The following RPS6KA6 variants were observed in gnomAD, a reference collection of about 807,000 sequenced individuals.
RPS6KA6 encodes ribosomal protein S6 kinase A6.
Under a neutral mutation model 65.4 loss-of-function variants are expected in RPS6KA6, and 27 were observed. The ratio of observed to expected loss-of-function variants is 0.41; its 90% confidence interval spans 0.30 to 0.57. RPS6KA6 has a LOEUF of 0.57. Among genes scored for constraint, RPS6KA6 ranks in the 20% least tolerant of loss-of-function variants. The probability of loss-of-function intolerance (pLI) is 0.24; values close to 1 mark genes in which losing one functional copy is unlikely to be tolerated. For synonymous variants in RPS6KA6, 190 were observed against 184.2 expected (o/e 1.03, Z -0.26); for missense variants, 486 against 555.6 (o/e 0.87, Z 1.26).
intron 20 of RPS6KA6, among the ~76,000 whole-genome samples, chrX:84,083,034 T>C (rs878875289): frequency 8.9e-6 from 1 of 112,037 alleles, no homozygotes; most frequent in East Asian, 2.8e-4. Context: ...GACATAGGCA[T>C]GGGCAACTAC....
intron 8 of RPS6KA6, among the ~76,000 whole-genome samples, chrX:84,129,924 T>A (rs774682765): frequency 3.6e-5 from 4 of 110,900 alleles, no homozygotes; most frequent in African/African-American, 1.3e-4. Flanking sequence ...AGACTTAATA[T>A]TAGCTAGCAC....
chrX:84,187,970 A>C lies in RPS6KA6; in HGVS notation c.-71T>G. ...CGCGGCCGCGCATCCTGTCTATTGA[A>C]CTGGCCCGCCGCCGCCGCCGCCGCC... On this transcript the variant is annotated 5_prime_UTR_variant, in exon 1 of 22. Transcript: ENST00000262752. 1.2e-6 allele frequency: 1 copy of C among 860,955 alleles called. No homozygotes were observed. Among genetic ancestry groups the C allele is most frequent in the Non-Finnish European group, 1.5e-6 (1 of 647,109 alleles). The allele number at this position is 860,955 out of a possible 1,213,427, so 71.0% of individuals were successfully genotyped here. A position where few individuals can be genotyped will look rare whatever the true frequency, so the allele number is the denominator to read the frequency against.
rs2033329858 is a variant in RPS6KA6 at position 84,063,228 on chromosome X, TAC to T, written c.*1047_*1048del. 9.0e-6 allele frequency: 1 copy of T among 111,677 alleles called. No homozygotes were observed. The highest frequency in any genetic ancestry group is 1.9e-5 in the Non-Finnish European group (1 of 53,085). 9.2% of individuals were successfully genotyped at this position (111,677 alleles called of 1,213,427 possible). A position where few individuals can be genotyped will look rare whatever the true frequency, so the allele number is the denominator to read the frequency against. The stretch of plus-strand genomic sequence containing the variant: ...TAGCATTGTCTAAAGTTTACTGTAA[TAC>T]AATATACTATATCATGTGTGCTATA... On this transcript the variant is annotated 3_prime_UTR_variant, in exon 22 of 22. Transcript: ENST00000262752.
intron 20 of RPS6KA6, among the ~76,000 whole-genome samples, chrX:84,067,900 A>G (rs1218551310): frequency 1.8e-5 from 2 of 112,176 alleles, no homozygotes; most frequent in Non-Finnish European, 3.8e-5. Context: ...AGGGAAGCTC[A>G]TCAGACTAAC....
chrX:84,179,306 G>C (rs772504473), intron 1 of RPS6KA6, among the ~76,000 whole-genome samples: 6 of 111,150 alleles, frequency 5.4e-5, no homozygotes, highest in Non-Finnish European at 9.4e-5. Flanking sequence ...GAATTCTCAC[G>C]CAGCAACCTC....
At chrX:84,064,449 TA>T (rs35061036) in intron 21 of RPS6KA6, 47 bp from the exon 22 acceptor site, 162,000 of 776,622 alleles carry the variant, frequency 0.21, 912 homozygotes, top group East Asian at 0.3. Flanking sequence ...ATTCTGGAGT[TA>T]AAAAAAAAAA....
intron 8 of RPS6KA6, among the ~76,000 whole-genome samples, chrX:84,132,788 C>T (rs952565476): frequency 1.9e-5 from 2 of 107,411 alleles, no homozygotes; most frequent in Non-Finnish European, 3.9e-5. Context: ...CAGAACGAGG[C>T]CAATCAGACT....
chrX:84,117,504 TATA>T (rs1420795306), intron 9 of RPS6KA6, 50 bp from the exon 10 acceptor site: 3 of 773,175 alleles, frequency 3.9e-6, no homozygotes, highest in African/African-American at 2.1e-5. Flanking sequence ...CCTTAGAATA[TATA>T]ATAAGATTCT....
At chrX:84,174,969 AT>A (rs2035742704) in intron 1 of RPS6KA6, among the ~76,000 whole-genome samples, 1 of 112,031 alleles carries the variant, frequency 8.9e-6, no homozygotes, top group African/African-American at 3.2e-5. Flanking sequence ...TTTTCCTTCG[AT>A]TTTTATTAGT....
intron 8 of RPS6KA6, among the ~76,000 whole-genome samples, chrX:84,130,244 A>T (rs1284634333): frequency 2.7e-5 from 3 of 112,014 alleles, no homozygotes; most frequent in Non-Finnish European, 5.7e-5. Context: ...TTCTCAAAGA[A>T]ATAAATATAT....
At chrX:84,123,293 T>C (rs1024217235) in intron 8 of RPS6KA6, among the ~76,000 whole-genome samples, 1 of 112,520 alleles carries the variant, frequency 8.9e-6, no homozygotes, top group Non-Finnish European at 1.9e-5. Flanking sequence ...CAGAAAAAGA[T>C]TCCTTCTGTT....
At chrX:84,145,306 C>T (rs2275784) in intron 6 of RPS6KA6, among the ~76,000 whole-genome samples, 172 bp downstream of exon 6, 13,569 of 110,537 alleles carry the variant, frequency 0.12, 798 homozygotes, top group East Asian at 0.52. Flanking sequence ...ATGAGTAGCA[C>T]ATTGAGATGA....
At chrX:84,095,135 C>A (rs2034127370) in intron 20 of RPS6KA6, among the ~76,000 whole-genome samples, 1 of 111,709 alleles carries the variant, frequency 9.0e-6, no homozygotes, top group Admixed American at 9.5e-5. Flanking sequence ...GTCTGTTTTT[C>A]TAATGTTTAA....
rs1436530841 is a variant in RPS6KA6 at position 84,134,827 on chromosome X, T to A, written c.609-8A>T. On this transcript the variant is annotated splice_region_variant and splice_polypyrimidine_tract_variant and intron_variant, in intron 7 of 21. Transcript: ENST00000262752. ...ATTTCATCAAGCAAAATGCTGTAAATCAAAATTCACATTCAACAAGATGGA... is the reference window on the plus strand; with the variant it reads ...ATTTCATCAAGCAAAATGCTGTAAAACAAAATTCACATTCAACAAGATGGA... The A allele has an allele frequency of 9.0e-7, 1 of 1,114,627 alleles. No homozygotes were observed. Among genetic ancestry groups the A allele is most frequent in the Admixed American group, 2.7e-5 (1 of 36,566 alleles). 91.9% of individuals were successfully genotyped at this position (1,114,627 alleles called of 1,213,427 possible). A position where few individuals can be genotyped will look rare whatever the true frequency, so the allele number is the denominator to read the frequency against.
chrX:84,066,586 C>T (rs1193042759), intron 20 of RPS6KA6, among the ~76,000 whole-genome samples: 1 of 110,821 alleles, frequency 9.0e-6, no homozygotes, highest in Non-Finnish European at 1.9e-5. Flanking sequence ...CTGGGCAGGG[C>T]GTGTCTGAAA....
intron 1 of RPS6KA6, among the ~76,000 whole-genome samples, chrX:84,179,830 T>C (rs866834038): frequency 1.8e-5 from 2 of 111,944 alleles, no homozygotes; most frequent in Non-Finnish European, 3.8e-5. Flanking sequence ...CAACATATGG[T>C]TTTCTGCATA....
chrX:84,130,009 G>C (rs764769822), intron 8 of RPS6KA6, among the ~76,000 whole-genome samples: 180 of 111,344 alleles, frequency 1.6e-3, no homozygotes, highest in African/African-American at 5.7e-3. Flanking sequence ...TGGATTGTTT[G>C]TAATATAAAG....
At chrX:84,163,624 C>T (rs759382253) in intron 2 of RPS6KA6, among the ~76,000 whole-genome samples, 1 of 82,383 alleles carries the variant, frequency 1.2e-5, no homozygotes. Context: ...CCGGCCTGGG[C>T]GACAGAGCGA....
chrX:84,083,557 C>G (rs1157012172), intron 20 of RPS6KA6, among the ~76,000 whole-genome samples: 23 of 112,153 alleles, frequency 2.1e-4, no homozygotes, highest in African/African-American at 7.4e-4. Context: ...AAAGAACATC[C>G]TTTTCATGGC....
Sources: allele counts gnomAD v4.1 joint callset (sites outside exome capture counted in the v4.1 genomes callset), GRCh38; gene constraint gnomAD v4.1.1; transcripts MANE v1.5; gene names NCBI Gene and HGNC (gene_info 2026-07-23, HGNC 2026-07-21).